The following RBBP8 variants were observed in gnomAD, a reference collection of about 807,000 sequenced individuals.
RBBP8 encodes RB binding protein 8, endonuclease.
In RBBP8, 88 loss-of-function variants were observed where a neutral mutation model predicts 108.3. That is an observed-to-expected ratio of 0.81 (90% CI 0.68 to 0.97). The LOEUF is 0.97. RBBP8 is among the 50% of genes least tolerant of loss of function. The probability of loss-of-function intolerance (pLI) is 0.00; values close to 1 mark genes in which losing one functional copy is unlikely to be tolerated. For missense variants in RBBP8, 1,023 were observed against 1,049.0 expected (o/e 0.98, Z 0.34); for synonymous variants, 332 against 348.2 (o/e 0.95, Z 0.52).
intron 4 of RBBP8, among the ~76,000 whole-genome samples, chr18:22,961,416 C>T (rs1567962213): frequency 6.6e-6 from 1 of 152,164 alleles, no homozygotes; most frequent in Non-Finnish European, 1.5e-5. Context: ...ATACTTCTTA[C>T]ACCCCAGAGT....
rs145545472 is a variant in RBBP8, at chr18:22,959,047, T to G, written c.248+9334T>G. Among the ~76,000 whole-genome samples, 16 of 152,348 alleles carry G rather than the reference T, an allele frequency of 1.1e-4. 1 individual carries two copies. The East Asian group carries it at 1.7e-3, about 17-fold the overall frequency. ...ACCTGTTTTGTTCCAGGCACTGTTT[T>G]AGACCTTGGGGATACACCAGTGAAT... On this transcript the variant is annotated intron_variant, in intron 4 of 18. Coordinates refer to ENST00000327155, the MANE Select transcript of RBBP8 (RefSeq NM_002894.3).
chr18:22,957,287 TTTTC>T (rs1216622078), intron 4 of RBBP8, among the ~76,000 whole-genome samples: 28 of 104,226 alleles, frequency 2.7e-4, no homozygotes, highest in South Asian at 3.4e-4. Flanking sequence ...TGTAATTACT[TTTTC>T]TTTTTTTTTT....
chr18:22,968,975 C>G (rs1207571689), intron 5 of RBBP8, 57 bp downstream of exon 5: 3 of 1,326,362 alleles, frequency 2.3e-6, no homozygotes, highest in Non-Finnish European at 2.1e-6. Context: ...TTTTTAAGAC[C>G]TATTAGTAAA....
At chr18:22,915,218 T>G (rs1337784628) in intron 1 of RBBP8, among the ~76,000 whole-genome samples, 1 of 152,176 alleles carries the variant, frequency 6.6e-6, no homozygotes, top group Non-Finnish European at 1.5e-5. Context: ...GTCATCTTAG[T>G]AGGACTTTGC....
At chr18:23,001,842 T>G in intron 15 of RBBP8, 113 bp downstream of exon 15, 1 of 1,374,424 alleles carries the variant, frequency 7.3e-7, no homozygotes, top group Non-Finnish European at 1.0e-6. Context: ...AGTTTCATAT[T>G]TCTTGTATAA....
At chr18:22,960,083 C>T (rs183909729) in intron 4 of RBBP8, among the ~76,000 whole-genome samples, 327 of 151,930 alleles carry the variant, frequency 2.2e-3, no homozygotes, top group Middle Eastern at 0.01. Context: ...TTCGTAGAGA[C>T]GGGGTTTTAC....
intron 2 of RBBP8, among the ~76,000 whole-genome samples, chr18:22,939,535 AAAG>A (rs2144414159): frequency 6.6e-6 from 1 of 152,332 alleles, no homozygotes. Flanking sequence ...TCAAAAAAAA[AAAG>A]AACTTTCCCA....
chr18:22,947,100 C>A (rs1167761662), intron 3 of RBBP8, among the ~76,000 whole-genome samples: 1 of 151,990 alleles, frequency 6.6e-6, no homozygotes, highest in Non-Finnish European at 1.5e-5. Flanking sequence ...GTAACACTTA[C>A]TAAGAAAATT....
chr18:22,997,864 A>G lies in RBBP8; in HGVS notation c.2143+130A>G, dbSNP rs140143024. On this transcript the variant is annotated intron_variant, in intron 14 of 18. Transcript: ENST00000327155. ...GGTTTTTTCCTGCTCTGTTAACTTT[A>G]TGTTCCTCTTAGGAAAGCTCAGTTT... 2,567 of 712,806 alleles carry G rather than the reference A, an allele frequency of 3.6e-3. 89 individuals carry two copies. In the Admixed American group the frequency reaches 0.052, roughly 14 times the overall value. 44.2% of individuals were successfully genotyped at this position (712,806 alleles called of 1,614,324 possible).
intron 4 of RBBP8, among the ~76,000 whole-genome samples, chr18:22,953,435 T>C (rs1300983166): frequency 6.6e-6 from 1 of 152,202 alleles, no homozygotes; most frequent in Admixed American, 6.5e-5. Flanking sequence ...ACACTCAAAT[T>C]TACTGGATAA....
intron 3 of RBBP8, among the ~76,000 whole-genome samples, chr18:22,920,236 G>C (rs915861559): frequency 6.6e-6 from 1 of 152,184 alleles, no homozygotes; most frequent in East Asian, 1.9e-4. Context: ...CAAGGCTGCA[G>C]TGAGCTGTCT....
chr18:23,022,623 A>AAATAAAAT lies in RBBP8; in HGVS notation c.2596+355_2596+356insTAAAATAA, dbSNP rs1491397378. On this transcript the variant is annotated intron_variant, in intron 18 of 18. Transcript: ENST00000327155. ...TCTCAAAAATAAAATAAAATAAAAT[A>AAATAAAAT]AAATAAAATAAAATAAATAAAATAC... Among the ~76,000 whole-genome samples, 11 of 50,418 alleles carry AAATAAAAT rather than the reference A, an allele frequency of 2.2e-4. 1 individual carries two copies. The highest frequency in any genetic ancestry group is 7.2e-4 in the Non-Finnish European group (9 of 12,414). 33.1% of individuals were successfully genotyped at this position (50,418 alleles called of 152,430 possible).
At chr18:22,961,129 A>G (rs1913065936) in intron 4 of RBBP8, among the ~76,000 whole-genome samples, 2 of 152,256 alleles carry the variant, frequency 1.3e-5, no homozygotes, top group Non-Finnish European at 2.9e-5. Flanking sequence ...AAAAAGCATT[A>G]TATGTATGTG....
intron 17 of RBBP8, among the ~76,000 whole-genome samples, chr18:23,018,198 C>T (rs572379633): frequency 6.6e-6 from 1 of 152,156 alleles, no homozygotes; most frequent in Non-Finnish European, 1.5e-5. Context: ...GCTGGGATTA[C>T]AGGCATGCGC....
rs1914976018 is a variant in RBBP8 at position 22,982,203 on chromosome 18, G to A, written c.429-15G>A. On this transcript the variant is annotated splice_polypyrimidine_tract_variant and intron_variant, in intron 6 of 18. Coordinates refer to ENST00000327155, the MANE Select transcript of RBBP8 (RefSeq NM_002894.3). ...TCATTGAATTGATTTTCTTTCCATT[G>A]TCATTCTTCTCTAGGAATGATCAAC... is the stretch of plus-strand genomic sequence containing the variant. 4 of 1,609,738 alleles carry A rather than the reference G, an allele frequency of 2.5e-6. No homozygotes were observed. The highest frequency in any genetic ancestry group is 3.4e-6 in the Non-Finnish European group (4 of 1,176,350).
chr18:22,954,992 G>A (rs1012374789), intron 4 of RBBP8, among the ~76,000 whole-genome samples: 2 of 152,110 alleles, frequency 1.3e-5, no homozygotes, highest in African/African-American at 2.4e-5. Context: ...CTCCCAAAGC[G>A]CTGGTATTGT....
chr18:23,005,475 C>A lies in RBBP8; in HGVS notation c.2288-888C>A, dbSNP rs945330381. On this transcript the variant is annotated intron_variant, in intron 15 of 18. Coordinates refer to ENST00000327155, the MANE Select transcript of RBBP8 (RefSeq NM_002894.3). ...GTTGCCAGGCTGGAGTGCAGTGGCA[C>A]AATCTCAGCTCACTGCAACCTCCAA... Among the ~76,000 whole-genome samples, 7 of 149,080 alleles carry A rather than the reference C, an allele frequency of 4.7e-5. 1 individual carries two copies. Among genetic ancestry groups the A allele is most frequent in the African/African-American group, 1.8e-4 (7 of 38,596 alleles).
chr18:22,946,534 T>G, intron 3 of RBBP8, 48 bp downstream of exon 3: 1 of 1,606,498 alleles, frequency 6.2e-7, no homozygotes, highest in Non-Finnish European at 8.5e-7. Context: ...GAGTAGTTGA[T>G]ACTGATGTCC....
At chr18:22,992,541 A>G (rs1915769448) in intron 10 of RBBP8, among the ~76,000 whole-genome samples, 1 of 152,142 alleles carries the variant, frequency 6.6e-6, no homozygotes, top group South Asian at 2.1e-4. Flanking sequence ...TACTTAGGAA[A>G]AATTTTTAAA....
Sources: gnomAD v4.1 joint callset for allele counts (sites outside exome capture counted in the v4.1 genomes callset) on GRCh38, gnomAD v4.1.1 for gene constraint, MANE v1.5 for transcripts, NCBI Gene and HGNC (gene_info 2026-07-23, HGNC 2026-07-21) for gene names.